The following CLDN16 variants were observed in gnomAD, a reference collection of about 807,000 sequenced individuals.
CLDN16 encodes the protein claudin 16.
In CLDN16, 13 loss-of-function variants were observed where a neutral mutation model predicts 24.6. The observed-to-expected ratio is 0.53, with a 90% confidence interval of 0.34 to 0.84. CLDN16 has a LOEUF of 0.84. Ranked by LOEUF, CLDN16 falls within the 40% of genes least tolerant of loss-of-function variation. The probability of loss-of-function intolerance (pLI) is 0.01; values close to 1 mark genes in which losing one functional copy is unlikely to be tolerated. For synonymous variants in CLDN16, 116 were observed against 106.7 expected (o/e 1.09, Z -0.54); for missense variants, 298 against 292.7 (o/e 1.02, Z -0.13).
chr3:190,303,683 A>G, the CLDN16 span, among the ~76,000 whole-genome samples: 2 of 152,362 alleles, frequency 1.3e-5, no homozygotes, highest in East Asian at 1.9e-4. Context: ...ACTCCACTTT[A>G]TAAATAACAA....
chr3:190,369,981 G>A (rs980040566), intron 1 of CLDN16, among the ~76,000 whole-genome samples: 2 of 152,020 alleles, frequency 1.3e-5, no homozygotes, highest in Non-Finnish European at 1.5e-5. Flanking sequence ...TTTGTATTCC[G>A]AGAAAGGCTG....
rs1719291137 is a variant in CLDN16 at position 190,411,748 on chromosome 3, G to T, written c.*1712G>T. On this transcript the variant is annotated 3_prime_UTR_variant, in exon 5 of 5. Transcript: ENST00000264734. The stretch of plus-strand genomic sequence containing the variant: ...CTGAAGCAGTTCCAATCTAGTTGGA[G>T]AATTAACAGCAATTGATTTAACTAT... The T allele has an allele frequency of 6.6e-6, 1 of 152,110 alleles. No individual in the cohort carries two copies. The highest frequency in any genetic ancestry group is 1.5e-5 in the Non-Finnish European group (1 of 67,988). The allele number at this position is 152,110 out of a possible 1,614,324, so 9.4% of individuals were successfully genotyped here. A position where few individuals can be genotyped will look rare whatever the true frequency, so the allele number is the denominator to read the frequency against.
chr3:190,313,411 T>C, the CLDN16 span, among the ~76,000 whole-genome samples: 1 of 152,246 alleles, frequency 6.6e-6, no homozygotes, highest in Non-Finnish European at 1.5e-5. Context: ...GTAACAATCA[T>C]ATATACTATC....
chr3:190,406,006 A>G (rs1719087785), intron 3 of CLDN16, among the ~76,000 whole-genome samples: 1 of 152,192 alleles, frequency 6.6e-6, no homozygotes, highest in South Asian at 2.1e-4. Context: ...GGGGTAGTAC[A>G]TCGATATGGA....
intron 1 of CLDN16, among the ~76,000 whole-genome samples, chr3:190,366,342 C>G (rs559954413): frequency 7.2e-5 from 11 of 152,054 alleles, no homozygotes; most frequent in African/African-American, 2.2e-4. Flanking sequence ...GCCACTGACA[C>G]AGCATGCCAA....
the CLDN16 span, among the ~76,000 whole-genome samples, chr3:190,302,040 C>G: frequency 1.3e-5 from 2 of 152,158 alleles, no homozygotes; most frequent in African/African-American, 2.4e-5. Context: ...ATACTATCTT[C>G]CTAGCTTACT....
At position 190,408,446 on chromosome 3, in the gene CLDN16, G is replaced by T. The variant is rs751056950; in HGVS notation, c.515G>T (p.Gly172Val). Residue 172 changes from glycine to valine, a missense_variant, in exon 4 of 5, where the codon GGG becomes GTG. By Grantham distance (109) the Gly-to-Val change is moderately radical. Coordinates refer to ENST00000264734, the MANE Select transcript of CLDN16 (RefSeq NM_006580.4). ...TGGTCCTGTTGGCTCGGAATGGCTG[G>T]GTCTCTGGGTTGCTTTTTGGCTGGA... ...FGWSCWLGMA[G>V]SLGCFLAGAV... The T allele has an allele frequency of 6.2e-7, 1 of 1,613,994 alleles. No homozygotes were observed. The highest frequency in any genetic ancestry group is 8.5e-7 in the Non-Finnish European group (1 of 1,180,012).
intron 1 of CLDN16, among the ~76,000 whole-genome samples, chr3:190,337,832 C>T (rs74530305): frequency 0.07 from 10,701 of 152,166 alleles, 565 homozygotes; most frequent in African/African-American, 0.14. Flanking sequence ...CACTTCAGAT[C>T]AAGAGAACCC....
chr3:190,318,506 C>A (rs1716829527), upstream of CLDN16, among the ~76,000 whole-genome samples: 1 of 152,164 alleles, frequency 6.6e-6, no homozygotes, highest in South Asian at 2.1e-4. Context: ...ATCATAGATT[C>A]ATCTCCCCAT....
the CLDN16 span, among the ~76,000 whole-genome samples, chr3:190,311,239 G>A: frequency 6.6e-6 from 1 of 152,188 alleles, no homozygotes; most frequent in Non-Finnish European, 1.5e-5. Flanking sequence ...GCAAGCGAAG[G>A]AAGAATGCAA....
chr3:190,406,022 G>A (rs1719088252), intron 3 of CLDN16, among the ~76,000 whole-genome samples: 1 of 152,138 alleles, frequency 6.6e-6, no homozygotes, highest in South Asian at 2.1e-4. Context: ...ATGGAGTTTG[G>A]AACTAGAAAC....
intron 3 of CLDN16, among the ~76,000 whole-genome samples, chr3:190,378,831 C>T (rs566408736): frequency 1.8e-4 from 28 of 152,132 alleles, no homozygotes; most frequent in Admixed American, 3.9e-4. Context: ...CCAATTCTGC[C>T]ACTTTCTAGC....
chr3:190,323,024 AC>A (rs1463799563), intron 1 of CLDN16, among the ~76,000 whole-genome samples: 196 of 150,652 alleles, frequency 1.3e-3, no homozygotes, highest in African/African-American at 4.4e-3. Flanking sequence ...ACACACACAC[AC>A]ACAGACACAC....
At chr3:190,337,641 C>T (rs1390671969) in intron 1 of CLDN16, among the ~76,000 whole-genome samples, 1 of 152,184 alleles carries the variant, frequency 6.6e-6, no homozygotes, top group African/African-American at 2.4e-5. Flanking sequence ...ACCAGCCAGA[C>T]ATTTTGGTGG....
intron 1 of CLDN16, among the ~76,000 whole-genome samples, chr3:190,327,245 C>T (rs372722084): frequency 2.7e-4 from 41 of 152,254 alleles, no homozygotes; most frequent in African/African-American, 8.2e-4. Context: ...GGGAAACCTC[C>T]GTATTTCCTT....
chr3:190,364,554 C>T (rs1305995953), intron 1 of CLDN16, among the ~76,000 whole-genome samples: 2 of 151,936 alleles, frequency 1.3e-5, no homozygotes, highest in Non-Finnish European at 2.9e-5. Context: ...ATGGTGTTTA[C>T]TTCTCTGCTG....
intron 3 of CLDN16, among the ~76,000 whole-genome samples, chr3:190,406,003 T>C (rs1719087732): frequency 6.6e-6 from 1 of 152,204 alleles, no homozygotes; most frequent in Non-Finnish European, 1.5e-5. Context: ...TGTGGGGTAG[T>C]ACATCGATAT....
intron 1 of CLDN16, among the ~76,000 whole-genome samples, chr3:190,326,564 G>A (rs1717066837): frequency 6.6e-6 from 1 of 152,180 alleles, no homozygotes; most frequent in African/African-American, 2.4e-5. Flanking sequence ...AGGAGGGGTT[G>A]GCCAAGAGGG....
intron 1 of CLDN16, among the ~76,000 whole-genome samples, chr3:190,346,776 A>G (rs1717558959): frequency 6.6e-6 from 1 of 152,046 alleles, no homozygotes; most frequent in Admixed American, 6.6e-5. Context: ...TGGCTTGCAG[A>G]TCCATCACCC....
Sources: allele counts gnomAD v4.1 joint callset (sites outside exome capture counted in the v4.1 genomes callset), GRCh38; gene constraint gnomAD v4.1.1; transcripts MANE v1.5; gene names NCBI Gene and HGNC (gene_info 2026-07-23, HGNC 2026-07-21).